The following RGS12 variants were observed in gnomAD, a reference collection of about 807,000 sequenced individuals.
RGS12 encodes the protein regulator of G-protein signaling 12.
In RGS12, 66 loss-of-function variants were observed where a neutral mutation model predicts 120.1. That is an observed-to-expected ratio of 0.55 (90% confidence interval 0.45 to 0.67). RGS12 has a LOEUF of 0.67. Among genes scored for constraint, RGS12 ranks in the 30% least tolerant of loss-of-function variants. The pLI, the probability that RGS12 is intolerant of heterozygous loss-of-function variation, is 0.00. For synonymous variants in RGS12, 827 were observed against 804.7 expected (o/e 1.03, Z -0.47); for missense variants, 1,859 against 1,957.7 (o/e 0.95, Z 0.95).
rs971905238 is a variant in RGS12, at chr4:3,433,970, A to G, written c.4114+3015A>G. Among the ~76,000 whole-genome samples the G allele has an allele frequency of 3.9e-5, 6 of 152,210 alleles. No individual in the cohort carries two copies. The highest frequency in any genetic ancestry group is 1.4e-4 in the African/African-American group (6 of 41,444). ...ACACAACAGAGGCCTCAAGCGGGAG[A>G]AGTGTCAGGCCCCTCGTGAGGCTCC... On this transcript the variant is annotated intron_variant, in intron 17 of 17. Transcript: ENST00000336727. The surrounding 1 kb of genome is among the most constrained non-coding windows in gnomAD (Gnocchi z 4.4).
the RGS12 span, among the ~76,000 whole-genome samples, chr4:3,287,199 A>T: frequency 1.3e-5 from 2 of 152,196 alleles, no homozygotes; most frequent in East Asian, 3.9e-4. Context: ...CGTTTGCGTG[A>T]TTGTTCAAGG....
At chr4:3,414,047 G>C in intron 4 of RGS12, 25 bp from the exon 5 acceptor site, 14 of 1,522,996 alleles carry the variant, frequency 9.2e-6, no homozygotes, top group Non-Finnish European at 1.2e-5. Flanking sequence ...CAGGGGTGCA[G>C]GTGCTGTCTG....
At position 3,433,757 on chromosome 4, in the gene RGS12, G is replaced by A. The variant is rs980567106; in HGVS notation, c.4114+2802G>A. 6.6e-6 allele frequency among the ~76,000 whole-genome samples: 1 copy of A among 151,144 alleles called. No individual in the cohort carries two copies. The highest frequency in any genetic ancestry group is 2.4e-5 in the African/African-American group (1 of 40,982). ...TTCTAGCCCCAGCGCCACACGCCAC[G>A]CGGCACTCCACCCCGTCTGTCTAGC... is the stretch of plus-strand genomic sequence containing the variant. On this transcript the variant is annotated intron_variant, in intron 17 of 17. Transcript: ENST00000336727. The surrounding 1 kb of genome is among the most constrained non-coding windows in gnomAD (Gnocchi z 4.4).
chr4:3,425,392 G>T, intron 13 of RGS12, 72 bp from the exon 14 acceptor site: 1 of 1,331,958 alleles, frequency 7.5e-7, no homozygotes, highest in Non-Finnish European at 1.1e-6. Context: ...CATGCAGTCG[G>T]GTGGGATCAC....
chr4:3,350,167 TTAAAC>T (rs1360737392), intron 3 of RGS12, among the ~76,000 whole-genome samples: 8 of 152,230 alleles, frequency 5.3e-5, no homozygotes, highest in Non-Finnish European at 1.2e-4. Context: ...GCAATTTTGA[TTAAAC>T]TAACAGTGTT....
upstream of RGS12, among the ~76,000 whole-genome samples, chr4:3,289,910 T>C (rs181988880): frequency 1.1e-3 from 166 of 152,336 alleles, no homozygotes; most frequent in Middle Eastern, 6.8e-3. Context: ...GACCGGGCAA[T>C]ATTTGTCTTT....
At position 3,422,532 on chromosome 4, in the gene RGS12, G is replaced by A; in HGVS notation, c.2995G>A (p.Gly999Arg). The change falls in exon 11 of 18, where the codon GGG (glycine) becomes AGG (arginine). Residue 999 changes from glycine to arginine, a missense_variant. Gly to Arg is a moderately radical substitution (Grantham distance 125, BLOSUM62 -2). Transcript: ENST00000336727. ...SGLCERHGIN[G>R]AAADLFLVGG... ...ACTCTGTGAGCGGCATGGCATCAAC[G>A]GGGCGGCCGCGGACCTCTTCCTGGT... is the stretch of plus-strand genomic sequence containing the variant. The A allele has an allele frequency of 2.5e-6, 4 of 1,612,740 alleles. No individual in the cohort carries two copies. The highest frequency in any genetic ancestry group is 2.2e-5 in the East Asian group (1 of 44,882).
At chr4:3,358,523 GTGTT>G (rs369063542) in intron 3 of RGS12, among the ~76,000 whole-genome samples, 19 of 151,922 alleles carry the variant, frequency 1.3e-4, no homozygotes, top group African/African-American at 4.6e-4. Context: ...GGTTTACTGA[GTGTT>G]TTTTTTTAAG....
At chr4:3,328,408 G>A (rs79815954) in intron 2 of RGS12, among the ~76,000 whole-genome samples, 5,804 of 152,218 alleles carry the variant, frequency 0.038, 283 homozygotes, top group African/African-American at 0.12. Context: ...CATTTTCATC[G>A]TATCTAAGAA....
chr4:3,362,943 G>T (rs76704992), intron 3 of RGS12, among the ~76,000 whole-genome samples: 1,935 of 148,582 alleles, frequency 0.013, 45 homozygotes, highest in African/African-American at 0.045. Context: ...GAAGGGGTGT[G>T]TGTGCACGTG....
At chr4:3,386,661 C>T (rs1242288829) in intron 4 of RGS12, among the ~76,000 whole-genome samples, 3 of 152,130 alleles carry the variant, frequency 2.0e-5, no homozygotes, top group Non-Finnish European at 4.4e-5. Context: ...ACTGCCATGG[C>T]CCTGAACACC....
intron 6 of RGS12, 55 bp downstream of exon 6, chr4:3,414,899 G>A (rs1407039596): frequency 1.6e-5 from 21 of 1,314,584 alleles, no homozygotes; most frequent in Non-Finnish European, 2.2e-5. Context: ...TGAGAGAGAC[G>A]CATGTGAGGG....
At chr4:3,300,319 GC>G (rs1723613239) in intron 1 of RGS12, among the ~76,000 whole-genome samples, 1 of 152,164 alleles carries the variant, frequency 6.6e-6, no homozygotes, top group South Asian at 2.1e-4. Context: ...GGGCTGGCTT[GC>G]CCCGCCTGCC....
intron 17 of RGS12, chr4:3,431,654 G>A: frequency 1.0e-6 from 1 of 985,744 alleles, no homozygotes; most frequent in Non-Finnish European, 1.2e-6. Flanking sequence ...GAGGCTCCCA[G>A]CAGCCGGTAG....
chr4:3,342,801 G>T (rs1713375619), intron 2 of RGS12, 136 bp from the exon 3 acceptor site: 4 of 745,808 alleles, frequency 5.4e-6, no homozygotes, highest in Non-Finnish European at 9.2e-6. Flanking sequence ...TTTACCCTGG[G>T]ATGACTTTTA....
At chr4:3,319,737 C>T (rs546121161) in intron 2 of RGS12, among the ~76,000 whole-genome samples, 109 of 152,380 alleles carry the variant, frequency 7.2e-4, no homozygotes, top group African/African-American at 2.3e-3. Flanking sequence ...GAGCCACACG[C>T]GCCTGGCCTC....
intron 1 of RGS12, among the ~76,000 whole-genome samples, chr4:3,300,345 T>G (rs1438027282): frequency 6.6e-6 from 1 of 152,092 alleles, no homozygotes; most frequent in Non-Finnish European, 1.5e-5. Context: ...CGCCCTGCAC[T>G]CCAGGGGCCT....
At position 3,365,656 on chromosome 4, in the gene RGS12, G is replaced by A. The variant is rs1386464028; in HGVS notation, c.1999-20760G>A. Among the ~76,000 whole-genome samples the A allele has an allele frequency of 6.6e-6, 1 of 152,172 alleles. No homozygotes were observed. Among genetic ancestry groups the A allele is most frequent in the Non-Finnish European group, 1.5e-5 (1 of 68,034 alleles). ...GACGACGTGCCGCACGTCACATTGTGTAGGAATGAGATCCTCACAGGCCTT... is the reference window on the plus strand; with the variant it reads ...GACGACGTGCCGCACGTCACATTGTATAGGAATGAGATCCTCACAGGCCTT... On this transcript the variant is annotated intron_variant, in intron 3 of 17. Coordinates refer to ENST00000336727, the MANE Select transcript of RGS12 (RefSeq NM_001394154.1). This position sits in a 1 kb window ranked among gnomAD's most constrained non-coding sequence, Gnocchi z 4.0.
chr4:3,349,453 C>G (rs1430629734), intron 3 of RGS12, among the ~76,000 whole-genome samples: 2 of 152,190 alleles, frequency 1.3e-5, no homozygotes, highest in African/African-American at 2.4e-5. Context: ...CTTCACATCT[C>G]TCGCTCTCCT....
Sources: allele counts gnomAD v4.1 joint callset (sites outside exome capture counted in the v4.1 genomes callset), GRCh38; gene constraint gnomAD v4.1.1; non-coding constraint Gnocchi (gnomAD v3.1); transcripts MANE v1.5; gene names NCBI Gene and HGNC (gene_info 2026-07-23, HGNC 2026-07-21).